Variants in TUT4 observed in about 807,000 individuals in gnomAD.
The protein encoded by TUT4 is terminal uridylyltransferase 4.
A neutral mutation model predicts 192.2 loss-of-function variants in TUT4; 36 were observed. The observed-to-expected ratio is 0.19, with a 90% CI of 0.14 to 0.25. The LOEUF (loss-of-function observed/expected upper bound fraction) is 0.25. Among genes scored for constraint, TUT4 ranks in the 10% least tolerant of loss-of-function variants. TUT4 has a pLI of 1.00. For missense variants in TUT4, 1,493 were observed against 1,957.2 expected (o/e 0.76, Z 4.47); for synonymous variants, 618 against 666.0 (o/e 0.93, Z 1.11).
intron 1 of TUT4, among the ~76,000 whole-genome samples, chr1:52,546,373 A>G (rs187549294): frequency 4.8e-4 from 73 of 152,350 alleles, no homozygotes; most frequent in African/African-American, 1.4e-3. Flanking sequence ...GCCTTAAAAA[A>G]GAAGGAAATT....
intron 1 of TUT4, among the ~76,000 whole-genome samples, chr1:52,529,435 TGCA>T (rs974794196): frequency 3.5e-4 from 53 of 152,230 alleles, no homozygotes; most frequent in African/African-American, 1.3e-3. Context: ...TGAGAACTGC[TGCA>T]GGTTCCTCAC....
intron 26 of TUT4, 93 bp downstream of exon 26, chr1:52,436,661 GT>G (rs1653886812): frequency 6.4e-7 from 1 of 1,553,718 alleles, no homozygotes; most frequent in African/African-American, 1.4e-5. Context: ...ATACAATTAG[GT>G]TTGCAACAGA....
At chr1:52,529,897 A>G (rs1027856006) in intron 1 of TUT4, 1 of 152,004 alleles carries the variant, frequency 6.6e-6, no homozygotes, top group African/African-American at 2.4e-5. Context: ...TGGGGGGTAA[A>G]GTGGCACAAT....
At chr1:52,430,991 A>C in intron 28 of TUT4, 22 bp downstream of exon 28, 1 of 1,533,632 alleles carries the variant, frequency 6.5e-7, no homozygotes, top group Non-Finnish European at 8.8e-7. Context: ...TGCAGATAAA[A>C]AAGAAGAAAA....
At chr1:52,478,767 T>C (rs1667737389) in intron 11 of TUT4, among the ~76,000 whole-genome samples, 1 of 152,182 alleles carries the variant, frequency 6.6e-6, no homozygotes, top group African/African-American at 2.4e-5. Context: ...TGGCTAAAAG[T>C]AACCACTAGG....
Position 52,493,732 on chromosome 1 carries a change from T to C in TUT4, c.1267-70A>G, listed in dbSNP as rs990508668. On this transcript the variant is annotated intron_variant, in intron 6 of 29. Coordinates refer to ENST00000257177, the MANE Select transcript of TUT4 (RefSeq NM_001009881.3). ...CGGACAGCAGAACATTAAGGAAAACTCAATTTCATTAAAGAATAACATTTA... is the reference window on the plus strand; with the variant it reads ...CGGACAGCAGAACATTAAGGAAAACCCAATTTCATTAAAGAATAACATTTA... 10 of 900,362 alleles carry C rather than the reference T, an allele frequency of 1.1e-5. No individual in the cohort carries two copies. In the African/African-American group the frequency reaches 1.5e-4, roughly 14 times the overall value. 55.8% of individuals were successfully genotyped at this position (900,362 alleles called of 1,614,324 possible). A position where few individuals can be genotyped will look rare whatever the true frequency, so the allele number is the denominator to read the frequency against.
At chr1:52,514,932 C>T (rs1327226519) in intron 3 of TUT4, 1 of 152,176 alleles carries the variant, frequency 6.6e-6, no homozygotes, top group East Asian at 1.9e-4. Flanking sequence ...TACCGACTAC[C>T]ACACCTCGCT....
At chr1:52,529,614 A>G (rs1172119157) in intron 1 of TUT4, among the ~76,000 whole-genome samples, 6 of 152,270 alleles carry the variant, frequency 3.9e-5, no homozygotes, top group Non-Finnish European at 5.9e-5. Context: ...AAGCCATAAA[A>G]CAACAAAGAT....
intron 20 of TUT4, among the ~76,000 whole-genome samples, chr1:52,449,721 C>T (rs1420885819): frequency 6.6e-6 from 1 of 152,170 alleles, no homozygotes; most frequent in Non-Finnish European, 1.5e-5. Context: ...CATCCATTCA[C>T]AAAAATCTTA....
chr1:52,507,220 G>A (rs1254340483), intron 4 of TUT4, among the ~76,000 whole-genome samples: 1 of 152,150 alleles, frequency 6.6e-6, no homozygotes, highest in Non-Finnish European at 1.5e-5. Context: ...TACTTTAAGA[G>A]GATCATCCAC....
At chr1:52,441,282 C>CT (rs201555130) in intron 24 of TUT4, among the ~76,000 whole-genome samples, 2,529 of 118,194 alleles carry the variant, frequency 0.021, 38 homozygotes, top group East Asian at 0.029. Flanking sequence ...GGGCATATGG[C>CT]TTTTTTTTTT....
intron 24 of TUT4, among the ~76,000 whole-genome samples, chr1:52,442,851 AATG>A (rs1656091567): frequency 2.0e-5 from 3 of 152,336 alleles, no homozygotes; most frequent in South Asian, 4.1e-4. Context: ...CTAGGCCCCA[AATG>A]ACATTCAAGA....
chr1:52,521,626 C>T (rs942147090), intron 2 of TUT4, among the ~76,000 whole-genome samples: 1 of 151,922 alleles, frequency 6.6e-6, no homozygotes, highest in Non-Finnish European at 1.5e-5. Flanking sequence ...GATCGCGCCA[C>T]TGCACTCCAG....
chr1:52,516,197 A>G, intron 2 of TUT4, 143 bp from the exon 3 acceptor site: 1 of 670,680 alleles, frequency 1.5e-6, no homozygotes, highest in Non-Finnish European at 2.5e-6. Flanking sequence ...GTTGGTATGC[A>G]TATATAAAAT....
chr1:52,440,286 T>C (rs1655121450), intron 24 of TUT4, among the ~76,000 whole-genome samples: 2 of 152,258 alleles, frequency 1.3e-5, no homozygotes, highest in South Asian at 4.1e-4. Flanking sequence ...CCAATGAAGC[T>C]GTTTGGTTTG....
chr1:52,485,575 GT>G (rs1288677120), intron 9 of TUT4, among the ~76,000 whole-genome samples: 3 of 151,748 alleles, frequency 2.0e-5, no homozygotes, highest in Non-Finnish European at 2.9e-5. Flanking sequence ...TTTTGCCTTT[GT>G]TTTTTGTGTG....
intron 29 of TUT4, 56 bp from the exon 30 acceptor site, chr1:52,424,058 A>G: frequency 3.3e-6 from 5 of 1,527,498 alleles, no homozygotes; most frequent in Non-Finnish European, 8.9e-7. Context: ...TTATCTGACA[A>G]CACCTTAGAA....
At chr1:52,466,310 G>A (rs1664108883) in intron 15 of TUT4, among the ~76,000 whole-genome samples, 1 of 151,866 alleles carries the variant, frequency 6.6e-6, no homozygotes, top group South Asian at 2.1e-4. Context: ...ACCAGGCTGG[G>A]CAACATGGTG....
At position 52,503,311 on chromosome 1, in the gene TUT4, GATTA is replaced by G. The variant is rs1304575613; in HGVS notation, c.1000-6132_1000-6129del. Among the ~76,000 whole-genome samples, 10 of 151,816 alleles carry G rather than the reference GATTA, an allele frequency of 6.6e-5. No individual in the cohort carries two copies. The East Asian group carries it at 7.7e-4, about 12-fold the overall frequency. On this transcript the variant is annotated intron_variant, in intron 4 of 29. Coordinates refer to ENST00000257177, the MANE Select transcript of TUT4 (RefSeq NM_001009881.3). ...ATGGAGCTTACAGTCAAGAGAGAAA[GATTA>G]ATTAAATGATTATTTAAATTAAAAA...
Sources: gnomAD v4.1 joint callset for allele counts (sites outside exome capture counted in the v4.1 genomes callset) on GRCh38, gnomAD v4.1.1 for gene constraint, MANE v1.5 for transcripts, NCBI Gene and HGNC (gene_info 2026-07-23, HGNC 2026-07-21) for gene names.